The following CTTNBP2 variants were observed in gnomAD, a reference collection of about 807,000 sequenced individuals.
The protein encoded by CTTNBP2 is cortactin binding protein 2, also known as cortactin-binding protein 2.
Under a neutral mutation model 156.9 loss-of-function variants are expected in CTTNBP2, and 108 were observed. The ratio of observed to expected loss-of-function variants is 0.69; its 90% CI spans 0.59 to 0.81. The LOEUF is 0.81. CTTNBP2 is among the 30% of genes least tolerant of loss of function. The probability of loss-of-function intolerance (pLI) is 0.00; values close to 1 mark genes in which losing one functional copy is unlikely to be tolerated. For missense variants in CTTNBP2, 1,924 were observed against 2,035.4 expected (o/e 0.95, Z 1.05); for synonymous variants, 767 against 751.8 (o/e 1.02, Z -0.33).
intron 1 of CTTNBP2, among the ~76,000 whole-genome samples, chr7:117,868,249 C>G (rs575276210): frequency 6.6e-6 from 1 of 152,338 alleles, no homozygotes; most frequent in East Asian, 1.9e-4. Context: ...TCTTGATTAT[C>G]TGTAGGTGGC....
At chr7:117,746,921 G>A (rs779508374) in intron 12 of CTTNBP2, among the ~76,000 whole-genome samples, 1 of 152,036 alleles carries the variant, frequency 6.6e-6, no homozygotes, top group Admixed American at 6.5e-5. Flanking sequence ...GTTTCAGCAT[G>A]CACTTGGATG....
In CTTNBP2 at chr7:117,711,883, A is replaced by C. The variant is rs1794079026; in HGVS notation, c.4747-101T>G. 31 of 1,177,476 alleles carry C rather than the reference A, an allele frequency of 2.6e-5. 1 individual carries two copies. The South Asian group carries it at 4.1e-4, about 15-fold the overall frequency. The allele number at this position is 1,177,476 out of a possible 1,614,324, so 72.9% of individuals were successfully genotyped here. ...AGCAAATGTACAGGAGTTTCTCTCTAAAACTATAGGTTCTCGTGAAAAATC... is the reference window on the plus strand; with the variant it reads ...AGCAAATGTACAGGAGTTTCTCTCTCAAACTATAGGTTCTCGTGAAAAATC... On this transcript the variant is annotated intron_variant, in intron 22 of 22. Transcript: ENST00000160373.
intron 9 of CTTNBP2, among the ~76,000 whole-genome samples, chr7:117,762,492 T>C (rs1380957465): frequency 6.6e-6 from 1 of 152,228 alleles, no homozygotes; most frequent in African/African-American, 2.4e-5. Flanking sequence ...GGAAGTTCTG[T>C]TGACTCTACC....
intron 4 of CTTNBP2, among the ~76,000 whole-genome samples, chr7:117,786,592 G>A (rs553396789): frequency 6.6e-6 from 1 of 152,332 alleles, no homozygotes; most frequent in African/African-American, 2.4e-5. Flanking sequence ...TGGAACAGGA[G>A]GGAATGGGGC....
intron 22 of CTTNBP2, among the ~76,000 whole-genome samples, chr7:117,716,973 C>G (rs1284694673): frequency 1.3e-5 from 2 of 152,244 alleles, no homozygotes; most frequent in Non-Finnish European, 2.9e-5. Context: ...CACCCACACA[C>G]AGGTCTTTGC....
chr7:117,718,162 A>G (rs113022839), intron 21 of CTTNBP2, 43 bp from the exon 22 acceptor site: 16 of 1,184,760 alleles, frequency 1.4e-5, no homozygotes, highest in Middle Eastern at 1.9e-4. Context: ...CCACAGTCAC[A>G]CTGTGCATAC....
chr7:117,742,549 T>C (rs1296291293), intron 14 of CTTNBP2, among the ~76,000 whole-genome samples: 1 of 151,996 alleles, frequency 6.6e-6, no homozygotes, highest in Non-Finnish European at 1.5e-5. Flanking sequence ...CTGTGAAGAA[T>C]GCTCAGGGAG....
rs1798361091 is a variant in CTTNBP2 at position 117,780,502 on chromosome 7, C to A, written c.2462G>T (p.Gly821Val). 6.2e-7 allele frequency: 1 copy of A among 1,601,694 alleles called. No individual in the cohort carries two copies. The highest frequency in any genetic ancestry group is 1.3e-5 in the African/African-American group (1 of 74,134). Residue 821 changes from glycine (G) to valine (V), a missense_variant, in exon 7 of 23, where the codon GGA (glycine) becomes GTA (valine). By Grantham distance (109) the Gly-to-Val change is moderately radical. Coordinates refer to ENST00000160373, the MANE Select transcript of CTTNBP2 (RefSeq NM_033427.3). ...CAAGAGTTTAATACATTCTTTATTT[C>A]CATTTTTACAGGCCAGGTATAGAGG... ...QTPLYLACKN[G>V]NKECIKLLLE... is the part of the protein sequence containing the mutation.
rs748184758 is a variant in CTTNBP2, at chr7:117,792,280, C to T, written c.916G>A (p.Ala306Thr). ...GTEGTVTRSV[A>T]CQTDLVTENA... ...TCTGTCACTAGGTCTGTCTGGCATG[C>T]AACAGACCTTGTCACAGTTCCTTCT... The change falls in exon 4 of 23, where the codon GCA becomes ACA. Residue 306 changes from alanine (A) to threonine (T), a missense_variant. Transcript: ENST00000160373. The surrounding 1 kb of genome is among the most constrained non-coding windows in gnomAD (Gnocchi z 4.2). The T allele has an allele frequency of 1.7e-5, 27 of 1,614,096 alleles. No homozygotes were observed. The highest frequency in any genetic ancestry group is 3.3e-5 in the South Asian group (3 of 91,088).
chr7:117,792,786 A>C lies in CTTNBP2; in HGVS notation c.415-5T>G. ...CTGAAGCTTCTCCATTTCCAGCTGAAAGAAATTCACAGGAAAACCCTGATT... is the reference window on the plus strand; with the variant it reads ...CTGAAGCTTCTCCATTTCCAGCTGACAGAAATTCACAGGAAAACCCTGATT... On this transcript the variant is annotated splice_region_variant and splice_polypyrimidine_tract_variant and intron_variant, in intron 3 of 22. Transcript: ENST00000160373. The surrounding 1 kb of genome is among the most constrained non-coding windows in gnomAD (Gnocchi z 4.2). 1 of 1,527,520 alleles carries C rather than the reference A, an allele frequency of 6.5e-7. No homozygotes were observed. The allele number at this position is 1,527,520 out of a possible 1,614,324, so 94.6% of individuals were successfully genotyped here.
At chr7:117,861,014 A>G (rs1803696051) in intron 2 of CTTNBP2, among the ~76,000 whole-genome samples, 195 bp downstream of exon 2, 1 of 152,206 alleles carries the variant, frequency 6.6e-6, no homozygotes, top group African/African-American at 2.4e-5. Flanking sequence ...CAGCATTTCA[A>G]TGACCATCTG....
At chr7:117,768,314 C>A (rs757898092) in intron 8 of CTTNBP2, among the ~76,000 whole-genome samples, 1 of 152,002 alleles carries the variant, frequency 6.6e-6, no homozygotes, top group African/African-American at 2.4e-5. Context: ...GTAATCCCAG[C>A]ACTTTGGGAG....
intron 2 of CTTNBP2, among the ~76,000 whole-genome samples, chr7:117,841,368 A>T (rs981013085): frequency 2.0e-5 from 3 of 152,110 alleles, no homozygotes; most frequent in African/African-American, 7.2e-5. Flanking sequence ...GGTCTTGGGG[A>T]TCTTGAATCC....
intron 2 of CTTNBP2, among the ~76,000 whole-genome samples, chr7:117,859,113 A>G (rs1415754626): frequency 6.6e-6 from 1 of 152,224 alleles, no homozygotes; most frequent in Non-Finnish European, 1.5e-5. Context: ...AATTTTTAAC[A>G]GAACCTACTT....
At chr7:117,741,235 A>G (rs950038666) in intron 14 of CTTNBP2, among the ~76,000 whole-genome samples, 5 of 152,192 alleles carry the variant, frequency 3.3e-5, no homozygotes, top group African/African-American at 1.2e-4. Flanking sequence ...GAGGAGATAG[A>G]GGAAGCAGAT....
At chr7:117,746,759 T>C (rs1796355118) in intron 12 of CTTNBP2, among the ~76,000 whole-genome samples, 2 of 152,222 alleles carry the variant, frequency 1.3e-5, no homozygotes, top group South Asian at 4.1e-4. Context: ...ACTTTATATA[T>C]TATTCCATTC....
At chr7:117,850,779 T>G (rs1034112335) in intron 2 of CTTNBP2, among the ~76,000 whole-genome samples, 1 of 152,222 alleles carries the variant, frequency 6.6e-6, no homozygotes, top group African/African-American at 2.4e-5. Flanking sequence ...CCCAGTACTT[T>G]TCCATTGTCA....
At chr7:117,719,384 T>C in intron 21 of CTTNBP2, 120 bp downstream of exon 21, 1 of 946,216 alleles carries the variant, frequency 1.1e-6, no homozygotes, top group Non-Finnish European at 1.5e-6. Flanking sequence ...TGAGGGATGG[T>C]TTGATTTGGA....
intron 2 of CTTNBP2, among the ~76,000 whole-genome samples, chr7:117,844,083 C>A (rs1802435924): frequency 6.6e-6 from 1 of 151,970 alleles, no homozygotes; most frequent in Non-Finnish European, 1.5e-5. Flanking sequence ...ATAGACACTG[C>A]AGGAGGGAAA....
Sources: gnomAD v4.1 joint callset for allele counts (sites outside exome capture counted in the v4.1 genomes callset) on GRCh38, gnomAD v4.1.1 for gene constraint, Gnocchi (gnomAD v3.1) non-coding constraint, MANE v1.5 for transcripts, NCBI Gene and HGNC (gene_info 2026-07-23, HGNC 2026-07-21) for gene names.